RPS6KA1: variants seen among roughly 807,000 people sequenced by gnomAD.
RPS6KA1 encodes ribosomal protein S6 kinase alpha-1.
In RPS6KA1, 48 loss-of-function variants were observed where a neutral mutation model predicts 91.3. The observed-to-expected ratio is 0.53, with a 90% CI of 0.42 to 0.67. The LOEUF (loss-of-function observed/expected upper bound fraction) is 0.67. Among genes scored for constraint, RPS6KA1 ranks in the 30% least tolerant of loss-of-function variants. The pLI is 0.00. For missense variants in RPS6KA1, 719 were observed against 960.5 expected (o/e 0.75, Z 3.32); for synonymous variants, 359 against 384.7 (o/e 0.93, Z 0.78).
At chr1:26,545,566 G>A (rs1451141418) in intron 2 of RPS6KA1, among the ~76,000 whole-genome samples, 3 of 152,102 alleles carry the variant, frequency 2.0e-5, no homozygotes, top group Admixed American at 1.3e-4. Flanking sequence ...TGTCTGTTGG[G>A]TACCTGTTTG....
rs1245217690 is a variant in RPS6KA1 at position 26,571,532 on chromosome 1, T to C, written c.1674T>C (p.Phe558=). The C allele has an allele frequency of 6.2e-7, 1 of 1,614,240 alleles. No individual in the cohort carries two copies. The highest frequency in any genetic ancestry group is 8.5e-7 in the Non-Finnish European group (1 of 1,180,046). ...CCGAGTGCCTGCGCATCTGTGACTT[T>C]GGTTTTGCCAAACAGCTGCGGGCTG... ...GNPECLRICD[F]GFAKQLRAEN... is the part of the protein sequence containing the mutation. Residue 558 remains phenylalanine, a synonymous_variant, in exon 18 of 22, where the codon TTT becomes TTC. Transcript: ENST00000374168. The surrounding 1 kb of genome is among the most constrained non-coding windows in gnomAD (Gnocchi z 5.1).
At chr1:26,546,818 G>C in intron 2 of RPS6KA1, 49 bp from the exon 3 acceptor site, 1 of 1,488,456 alleles carries the variant, frequency 6.7e-7, no homozygotes, top group Non-Finnish European at 9.4e-7. Context: ...GGAGCCTCCT[G>C]CTGCCTGGAT....
intron 17 of RPS6KA1, among the ~76,000 whole-genome samples, chr1:26,562,653 A>G (rs2076163121): frequency 6.6e-6 from 1 of 152,140 alleles, no homozygotes; most frequent in Admixed American, 6.6e-5. Flanking sequence ...AAACAGTAGC[A>G]TTAGCTTCTC....
intron 21 of RPS6KA1, among the ~76,000 whole-genome samples, 165 bp downstream of exon 21, chr1:26,573,526 A>G (rs2076268681): frequency 6.6e-6 from 1 of 152,208 alleles, no homozygotes; most frequent in Non-Finnish European, 1.5e-5. Context: ...AACATGCTAC[A>G]GTGTCACGGT....
chr1:26,534,007 CA>C (rs1194416128), intron 1 of RPS6KA1, among the ~76,000 whole-genome samples: 1 of 152,158 alleles, frequency 6.6e-6, no homozygotes, highest in East Asian at 1.9e-4. Context: ...GCCAGAGATC[CA>C]GGGAGTAGAG....
intron 1 of RPS6KA1, among the ~76,000 whole-genome samples, chr1:26,533,551 C>G (rs1340373238): frequency 6.6e-6 from 1 of 152,050 alleles, no homozygotes; most frequent in Non-Finnish European, 1.5e-5. Flanking sequence ...ACTAAAAATA[C>G]AAAAATTAGC....
intron 14 of RPS6KA1, 79 bp downstream of exon 14, chr1:26,559,016 A>G: frequency 1.3e-6 from 2 of 1,531,448 alleles, no homozygotes; most frequent in Non-Finnish European, 1.8e-6. Context: ...GTTGGACAGA[A>G]CCAGGTTCAT....
chr1:26,529,764 G>A lies in RPS6KA1; in HGVS notation c.-157G>A. On this transcript the variant is annotated 5_prime_UTR_variant, in exon 1 of 22. In the 5' UTR this introduces an upstream ATG that the reference lacks. Transcript: ENST00000374168. The surrounding 1 kb of genome is among the most constrained non-coding windows in gnomAD (Gnocchi z 4.2). ...GCGCCGGGTGACGGAGGGAGCCGAA[G>A]TGCTAGTGCCGCGGCGGCGGCGGCG... 2.8e-6 allele frequency: 1 copy of A among 355,010 alleles called. No homozygotes were observed. Among genetic ancestry groups the A allele is most frequent in the Non-Finnish European group, 4.5e-6 (1 of 221,718 alleles). 22.0% of individuals were successfully genotyped at this position (355,010 alleles called of 1,614,324 possible).
At chr1:26,563,897 C>A (rs537436456) in intron 17 of RPS6KA1, among the ~76,000 whole-genome samples, 18 of 152,142 alleles carry the variant, frequency 1.2e-4, no homozygotes, top group African/African-American at 4.3e-4. Context: ...CCAAGATGGG[C>A]AGATCACTTG....
chr1:26,559,170 G>A (rs1041622368), intron 14 of RPS6KA1, among the ~76,000 whole-genome samples: 2 of 152,212 alleles, frequency 1.3e-5, no homozygotes, highest in African/African-American at 4.8e-5. Context: ...TACATGTCAG[G>A]AGGTGCCCAG....
Position 26,561,797 on chromosome 1 carries a change from T to G in RPS6KA1, c.1590+134T>G, listed in dbSNP as rs1168649688. On this transcript the variant is annotated intron_variant, in intron 17 of 21. Coordinates refer to ENST00000374168, the MANE Select transcript of RPS6KA1 (RefSeq NM_002953.4). The surrounding 1 kb of genome is among the most constrained non-coding windows in gnomAD (Gnocchi z 5.7). ...TGAGGGGACACTAGGGCTGGGTGGGTGGATGCGTGCAAAGGAAGGAGGGAG... is the reference window on the plus strand; with the variant it reads ...TGAGGGGACACTAGGGCTGGGTGGGGGGATGCGTGCAAAGGAAGGAGGGAG... 2.1e-5 allele frequency: 18 copies of G among 843,552 alleles called. No homozygotes were observed. Among genetic ancestry groups the G allele is most frequent in the Non-Finnish European group, 3.1e-5 (17 of 547,286 alleles). The allele number at this position is 843,552 out of a possible 1,614,324, so 52.3% of individuals were successfully genotyped here.
intron 17 of RPS6KA1, among the ~76,000 whole-genome samples, chr1:26,570,589 G>T (rs2076240757): frequency 6.6e-6 from 1 of 152,146 alleles, no homozygotes; most frequent in Non-Finnish European, 1.5e-5. Context: ...AGGGCCCAGA[G>T]GAAAGCCGTT....
Position 26,555,621 on chromosome 1 carries a change from G to T in RPS6KA1, c.912G>T (p.Arg304=). 1 of 1,591,416 alleles carries T rather than the reference G, an allele frequency of 6.3e-7. No individual in the cohort carries two copies. The highest frequency in any genetic ancestry group is 2.3e-5 in the East Asian group (1 of 43,664). Residue 304 remains arginine, a synonymous_variant, in exon 11 of 22, where the codon CGG becomes CGT. Coordinates refer to ENST00000374168, the MANE Select transcript of RPS6KA1 (RefSeq NM_002953.4). This position sits in a 1 kb window ranked among gnomAD's most constrained non-coding sequence, Gnocchi z 4.3. ...RALFKRNPAN[R]LGSGPDGAEE... is the part of the protein sequence containing the mutation. The stretch of plus-strand genomic sequence containing the variant: ...TGTTCAAGCGGAATCCTGCCAACCG[G>T]CTCGGTAAGCAGCCCCAGCTCAGGG...
At chr1:26,532,339 A>G (rs374486501) in intron 1 of RPS6KA1, among the ~76,000 whole-genome samples, 7 of 152,360 alleles carry the variant, frequency 4.6e-5, no homozygotes, top group African/African-American at 7.2e-5. Flanking sequence ...GCTTCTCAAG[A>G]TAGGGATTAT....
chr1:26,546,755 T>A, intron 2 of RPS6KA1, 112 bp from the exon 3 acceptor site: 1 of 756,974 alleles, frequency 1.3e-6, no homozygotes, highest in South Asian at 1.5e-5. Context: ...AAGTCGTCTA[T>A]TGGGCCTTTA....
intron 20 of RPS6KA1, among the ~76,000 whole-genome samples, chr1:26,572,508 A>G (rs999822526): frequency 1.3e-5 from 2 of 151,964 alleles, no homozygotes; most frequent in African/African-American, 4.8e-5. Context: ...GGCCCTTCTC[A>G]TTCTGGACCC....
intron 17 of RPS6KA1, among the ~76,000 whole-genome samples, chr1:26,568,782 A>G (rs903659315): frequency 6.6e-6 from 1 of 152,142 alleles, no homozygotes; most frequent in Admixed American, 6.6e-5. Flanking sequence ...AAAAAGGTCA[A>G]CTTCCATATC....
At chr1:26,572,642 G>A (rs1030387395) in intron 20 of RPS6KA1, among the ~76,000 whole-genome samples, 4 of 152,188 alleles carry the variant, frequency 2.6e-5, no homozygotes, top group South Asian at 2.1e-4. Context: ...GACGCTCTTG[G>A]CCAGGGGTGT....
intron 17 of RPS6KA1, among the ~76,000 whole-genome samples, chr1:26,569,108 T>G (rs2076228312): frequency 6.6e-6 from 1 of 151,922 alleles, no homozygotes; most frequent in Non-Finnish European, 1.5e-5. Flanking sequence ...TGAGAATTGC[T>G]TGAACCTGGG....
Sources: gnomAD v4.1 joint callset for allele counts (sites outside exome capture counted in the v4.1 genomes callset) on GRCh38, gnomAD v4.1.1 for gene constraint, Gnocchi (gnomAD v3.1) non-coding constraint, MANE v1.5 for transcripts, NCBI Gene and HGNC (gene_info 2026-07-23, HGNC 2026-07-21) for gene names.